PRDM16: variants seen among roughly 807,000 people sequenced by gnomAD.
PRDM16 encodes histone-lysine N-methyltransferase PRDM16.
In PRDM16, 23 loss-of-function variants were observed where a neutral mutation model predicts 110.6. The ratio of observed to expected loss-of-function variants is 0.21; its 90% CI spans 0.15 to 0.29. The LOEUF is 0.29. PRDM16 is among the 10% of genes least tolerant of loss of function. The pLI, the probability that PRDM16 is intolerant of heterozygous loss-of-function variation, is 1.00. For missense variants in PRDM16, 1,615 were observed against 1,794.3 expected (o/e 0.90, Z 1.81); for synonymous variants, 799 against 781.8 (o/e 1.02, Z -0.37).
intron 15 of PRDM16, among the ~76,000 whole-genome samples, chr1:3,431,391 C>A (rs986784578): frequency 2.0e-5 from 3 of 152,172 alleles, no homozygotes; most frequent in Non-Finnish European, 4.4e-5. Context: ...TGGAGGCCCC[C>A]GGCCCTGCAG....
At chr1:3,176,521 C>T (rs147576510) in intron 1 of PRDM16, among the ~76,000 whole-genome samples, 9 of 151,482 alleles carry the variant, frequency 5.9e-5, no homozygotes, top group Middle Eastern at 6.9e-3. Flanking sequence ...GATTCACCCA[C>T]CCATCCATTC....
chr1:3,223,920 C>G (rs1012941785), intron 2 of PRDM16, among the ~76,000 whole-genome samples: 1 of 152,190 alleles, frequency 6.6e-6, no homozygotes, highest in Non-Finnish European at 1.5e-5. Flanking sequence ...AGTTTTCCAA[C>G]CCCATCTGAG....
intron 3 of PRDM16, among the ~76,000 whole-genome samples, chr1:3,348,724 A>G (rs1441569196): frequency 6.6e-6 from 1 of 152,234 alleles, no homozygotes; most frequent in African/African-American, 2.4e-5. Context: ...TCACAGGAAC[A>G]GTCTGTCCTC....
chr1:3,120,989 G>T (rs1643082433), intron 1 of PRDM16, among the ~76,000 whole-genome samples: 1 of 152,256 alleles, frequency 6.6e-6, no homozygotes, highest in South Asian at 2.1e-4. Flanking sequence ...AACAGGATAT[G>T]ATTGACTTGT....
Position 3,426,152 on chromosome 1 carries a change from T to A in PRDM16, c.3211T>A (p.Ser1071Thr), listed in dbSNP as rs561896892. 8.1e-6 allele frequency: 13 copies of A among 1,613,796 alleles called. No individual in the cohort carries two copies. In the East Asian group the frequency reaches 2.7e-4, roughly 33 times the overall value. The part of the protein sequence containing the change: ...NHALLDEKED[S>T]YFSEIRNFIA... ...CGCACTTTTAGACGAGAAAGAAGAC[T>A]CTTATTTCTCGGAAATCAGAAACTT... The change falls in exon 14 of 17, where the codon TCT (serine) becomes ACT (threonine). Residue 1071 changes from serine (S) to threonine (T), a missense_variant. Around this residue, in one of 5 missense-constraint regions of PRDM16, gnomAD observed 327 missense variants for 359.3 expected, o/e 0.91. Transcript: ENST00000270722.
intron 2 of PRDM16, among the ~76,000 whole-genome samples, chr1:3,189,211 G>C (rs1238392256): frequency 6.6e-6 from 1 of 152,182 alleles, no homozygotes; most frequent in Non-Finnish European, 1.5e-5. Flanking sequence ...ACACGAGAAG[G>C]ACCTTCTGCT....
chr1:3,214,346 C>T (rs923464905), intron 2 of PRDM16, among the ~76,000 whole-genome samples: 46 of 152,144 alleles, frequency 3.0e-4, no homozygotes, highest in African/African-American at 8.0e-4. Context: ...AGGGCGATGG[C>T]GGCTTTTAAG....
intron 1 of PRDM16, among the ~76,000 whole-genome samples, chr1:3,126,873 T>C (rs2100673923): frequency 6.6e-6 from 1 of 152,312 alleles, no homozygotes; most frequent in South Asian, 2.1e-4. Flanking sequence ...GTTGCTCTGG[T>C]GTCAGGCCCG....
intron 2 of PRDM16, among the ~76,000 whole-genome samples, chr1:3,233,820 A>C (rs1639475049): frequency 6.6e-6 from 1 of 152,084 alleles, no homozygotes; most frequent in African/African-American, 2.4e-5. Context: ...CAGGCTCATA[A>C]AGTTGTCTAC....
intron 2 of PRDM16, among the ~76,000 whole-genome samples, chr1:3,225,205 A>G (rs1639258171): frequency 6.6e-6 from 1 of 152,242 alleles, no homozygotes; most frequent in East Asian, 1.9e-4. Context: ...ATAGCTCTTT[A>G]AAACAGCATT....
intron 1 of PRDM16, among the ~76,000 whole-genome samples, chr1:3,174,813 C>T (rs1253020871): frequency 6.6e-6 from 1 of 152,314 alleles, no homozygotes; most frequent in East Asian, 1.9e-4. Context: ...AGCCCTGCAG[C>T]TGGGGTTCAA....
intron 1 of PRDM16, among the ~76,000 whole-genome samples, chr1:3,153,541 A>G (rs539535830): frequency 2.6e-4 from 40 of 152,192 alleles, no homozygotes; most frequent in Non-Finnish European, 5.6e-4. Context: ...TGCAGGAGAA[A>G]CGGGGCAAGG....
chr1:3,199,091 T>C (rs1457124669), intron 2 of PRDM16, among the ~76,000 whole-genome samples: 1 of 152,164 alleles, frequency 6.6e-6, no homozygotes, highest in African/African-American at 2.4e-5. Flanking sequence ...GTTTCAGCCC[T>C]GGCGCTCAGC....
chr1:3,397,609 C>G (rs750415212), intron 5 of PRDM16, among the ~76,000 whole-genome samples: 6 of 152,240 alleles, frequency 3.9e-5, no homozygotes, highest in African/African-American at 4.8e-5. Flanking sequence ...TGGGAGGCCC[C>G]GCAAGTGAAC....
chr1:3,240,039 A>G (rs1264436794), intron 2 of PRDM16, among the ~76,000 whole-genome samples: 20 of 89,544 alleles, frequency 2.2e-4, no homozygotes, highest in Admixed American at 1.9e-3. Flanking sequence ...GGAGAGGAGA[A>G]GAGGAGAGGA....
At chr1:3,159,021 C>T (rs1643879138) in intron 1 of PRDM16, among the ~76,000 whole-genome samples, 3 of 152,240 alleles carry the variant, frequency 2.0e-5, no homozygotes, top group Admixed American at 2.0e-4. Flanking sequence ...ATCCACCCGC[C>T]TTGGCCTCCC....
chr1:3,197,324 A>G (rs904565870), intron 2 of PRDM16, among the ~76,000 whole-genome samples: 1 of 152,172 alleles, frequency 6.6e-6, no homozygotes, highest in Non-Finnish European at 1.5e-5. Context: ...TGAGCAGGGC[A>G]GGCCCCTCCT....
At chr1:3,146,857 G>A (rs1400614928) in intron 1 of PRDM16, among the ~76,000 whole-genome samples, 3 of 138,688 alleles carry the variant, frequency 2.2e-5, no homozygotes, top group Non-Finnish European at 4.7e-5. Context: ...GCTCAGTGTG[G>A]GGTGTGTGTG....
chr1:3,330,978 C>T (rs1195524570), intron 3 of PRDM16, among the ~76,000 whole-genome samples: 9 of 152,240 alleles, frequency 5.9e-5, no homozygotes, highest in African/African-American at 2.2e-4. Flanking sequence ...TTTCAGCTCA[C>T]AGGAAGTGGG....
Sources: gnomAD v4.1 joint callset for allele counts (sites outside exome capture counted in the v4.1 genomes callset) on GRCh38, gnomAD v4.1.1 for gene constraint, gnomAD v4.1.1 regional missense constraint, MANE v1.5 for transcripts, NCBI Gene and HGNC (gene_info 2026-07-23, HGNC 2026-07-21) for gene names.